PIK3R2: variants seen among roughly 807,000 people sequenced by gnomAD.
PIK3R2 encodes the protein phosphatidylinositol 3-kinase regulatory subunit beta.
In PIK3R2, 40 loss-of-function variants were observed where a neutral mutation model predicts 78.5. The ratio of observed to expected loss-of-function variants is 0.51; its 90% confidence interval spans 0.40 to 0.66. PIK3R2 has a LOEUF of 0.66. PIK3R2 is among the 30% of genes least tolerant of loss of function. The probability of loss-of-function intolerance (pLI) is 0.00; values close to 1 mark genes in which losing one functional copy is unlikely to be tolerated. For synonymous variants in PIK3R2, 473 were observed against 457.7 expected (o/e 1.03, Z -0.43); for missense variants, 880 against 1,026.6 (o/e 0.86, Z 1.95).
chr19:18,166,023 C>A, intron 11 of PIK3R2, 137 bp from the exon 12 acceptor site: 1 of 1,073,652 alleles, frequency 9.3e-7, no homozygotes, highest in Non-Finnish European at 1.4e-6. Flanking sequence ...TTTGGTGCAG[C>A]AGGCGTTAGA....
In PIK3R2 at chr19:18,168,757, C is replaced by T. The variant is rs1468352189; in HGVS notation, c.1840C>T (p.Leu614Phe). Reference protein sequence around the residue: ...QYALMEDEDDLPHHEERTWYV... With the variant: ...QYALMEDEDDFPHHEERTWYV... ...CGCACTCATGGAGGACGAGGACGAT[C>T]TCCCGCACCACGAGGAACGCACTTG... is the stretch of plus-strand genomic sequence containing the variant. The change falls in exon 15 of 16, where the codon CTC becomes TTC. Residue 614 changes from leucine (L) to phenylalanine (F), a missense_variant. Coordinates refer to ENST00000222254, the MANE Select transcript of PIK3R2 (RefSeq NM_005027.4). This position sits in a 1 kb window ranked among gnomAD's most constrained non-coding sequence, Gnocchi z 4.1. 1.9e-6 allele frequency: 3 copies of T among 1,610,474 alleles called. No homozygotes were observed. The highest frequency in any genetic ancestry group is 2.5e-6 in the Non-Finnish European group (3 of 1,177,436).
intron 1 of PIK3R2, among the ~76,000 whole-genome samples, chr19:18,154,628 G>T (rs981919160): frequency 1.3e-5 from 2 of 152,094 alleles, no homozygotes; most frequent in African/African-American, 4.8e-5. Flanking sequence ...CCTGCCCTAG[G>T]TATCTGGCCA....
Position 18,161,425 on chromosome 19 carries a change from A to T in PIK3R2, c.745A>T (p.Thr249Ser). ...LGPAVRALGA[T>S]FGPLLLRAPP... ...TCCCGCGGTCCGGGCCCTGGGCGCC[A>T]CCTTTGGGCCGCTGCTGCTGCGCGC... The change falls in exon 6 of 16, where the codon ACC (threonine) becomes TCC (serine). Residue 249 changes from threonine (T) to serine (S), a missense_variant. Around this residue, in one of 3 missense-constraint regions of PIK3R2, gnomAD observed 456 missense variants for 486.6 expected, o/e 0.94. Transcript: ENST00000222254. The surrounding 1 kb of genome is among the most constrained non-coding windows in gnomAD (Gnocchi z 5.3). 1 of 1,205,834 alleles carries T rather than the reference A, an allele frequency of 8.3e-7. No individual in the cohort carries two copies. The highest frequency in any genetic ancestry group is 1.0e-6 in the Non-Finnish European group (1 of 973,020). The allele number at this position is 1,205,834 out of a possible 1,614,324, so 74.7% of individuals were successfully genotyped here.
chr19:18,162,645 A>G, intron 9 of PIK3R2, 139 bp downstream of exon 9: 1 of 715,492 alleles, frequency 1.4e-6, no homozygotes, highest in Non-Finnish European at 2.3e-6. Flanking sequence ...GCACTTTGGG[A>G]GGCTGAGGCT....
chr19:18,164,593 G>A (rs2043787576), intron 11 of PIK3R2, among the ~76,000 whole-genome samples: 1 of 151,898 alleles, frequency 6.6e-6, no homozygotes, highest in African/African-American at 2.4e-5. Context: ...GAATTCCTCA[G>A]TCGTCCCTAG....
At position 18,155,627 on chromosome 19, in the gene PIK3R2, G is replaced by A. The variant is rs1277852237; in HGVS notation, c.-253G>A. 15 of 537,722 alleles carry A rather than the reference G, an allele frequency of 2.8e-5. No individual in the cohort carries two copies. The highest frequency in any genetic ancestry group is 4.9e-5 in the Non-Finnish European group (15 of 307,364). The allele number at this position is 537,722 out of a possible 1,614,324, so 33.3% of individuals were successfully genotyped here. On this transcript the variant is annotated 5_prime_UTR_variant, in exon 2 of 16. Coordinates refer to ENST00000222254, the MANE Select transcript of PIK3R2 (RefSeq NM_005027.4). ...GGAGGACTCAATGGCCCAGTGACCT[G>A]ACACCACACCACCAACTCCCTCCCA...
chr19:18,162,383 G>T, intron 8 of PIK3R2, 25 bp from the exon 9 acceptor site: 1 of 1,609,830 alleles, frequency 6.2e-7, no homozygotes, highest in South Asian at 1.1e-5. Context: ...TGGCTCGGCA[G>T]TCCCAATGTT....
intron 7 of PIK3R2, 46 bp from the exon 8 acceptor site, chr19:18,162,156 A>T: frequency 7.1e-7 from 1 of 1,411,626 alleles, no homozygotes; most frequent in Non-Finnish European, 1.0e-6. Context: ...AGGCAGCCAC[A>T]GTATACAGTC....
At position 18,167,904 on chromosome 19, in the gene PIK3R2, A is replaced by G. The variant is rs962551200; in HGVS notation, c.1737-571A>G. Reference sequence around the variant, plus strand: ...AAAAAAATCGCCTGCTGTGCAACCTACCATGCTGGGTGGCTGCGGCAGCCC... The same window carrying G: ...AAAAAAATCGCCTGCTGTGCAACCTGCCATGCTGGGTGGCTGCGGCAGCCC... On this transcript the variant is annotated intron_variant, in intron 13 of 15. Coordinates refer to ENST00000222254, the MANE Select transcript of PIK3R2 (RefSeq NM_005027.4). This position sits in a 1 kb window ranked among gnomAD's most constrained non-coding sequence, Gnocchi z 4.5. Among the ~76,000 whole-genome samples, 3 of 151,924 alleles carry G rather than the reference A, an allele frequency of 2.0e-5. No homozygotes were observed. The highest frequency in any genetic ancestry group is 2.9e-5 in the Non-Finnish European group (2 of 67,968).
Position 18,167,307 on chromosome 19 carries a change from G to C in PIK3R2, c.1736+1G>C, listed in dbSNP as rs2147958030. 6.3e-7 allele frequency: 1 copy of C among 1,579,792 alleles called. No homozygotes were observed. The highest frequency in any genetic ancestry group is 8.6e-7 in the Non-Finnish European group (1 of 1,162,792). On this transcript the variant is annotated splice_donor_variant, in intron 13 of 15. Coordinates refer to ENST00000222254, the MANE Select transcript of PIK3R2 (RefSeq NM_005027.4). LOFTEE classifies it high-confidence loss of function. This position sits in a 1 kb window ranked among gnomAD's most constrained non-coding sequence, Gnocchi z 4.5. ...GCAAGATCCGAGACCAGTACCTCGT[G>C]TAAGTGGCGGCTCCATACTTCCCTG...
In PIK3R2 at chr19:18,162,057, T is replaced by TC; in HGVS notation, c.901+10dup. 5 of 1,611,812 alleles carry TC rather than the reference T, an allele frequency of 3.1e-6. No individual in the cohort carries two copies. Among genetic ancestry groups the TC allele is most frequent in the Non-Finnish European group, 4.2e-6 (5 of 1,178,230 alleles). ...GCAGGAGGTTGCGCCCCCAGGTGAG[T>TC]CCCCTGTATTGCTGTCATTTCTTCC... On this transcript the variant is annotated splice_region_variant and intron_variant, in intron 7 of 15. Transcript: ENST00000222254.
At position 18,166,161 on chromosome 19, in the gene PIK3R2, A is replaced by C. The variant is rs1348113797; in HGVS notation, c.1418A>C (p.Glu473Ala). ...LYEEYTRTSQ[E>A]LQMKRTAIEA... ...GCTGAGCTGCGCCCCCTCCTCCAGG[A>C]GCTGCAGATGAAGCGTACTGCAATT... Residue 473 changes from glutamate (E) to alanine (A), a missense_variant and splice_region_variant, in exon 12 of 16, where the codon GAG becomes GCG. By Grantham distance (107) the Glu-to-Ala change is moderately radical (BLOSUM62 -1). Transcript: ENST00000222254. The C allele has an allele frequency of 1.2e-6, 2 of 1,613,988 alleles. No individual in the cohort carries two copies. The highest frequency in any genetic ancestry group is 4.5e-5 in the East Asian group (2 of 44,880).
Position 18,166,372 on chromosome 19 carries a change from A to T in PIK3R2, c.1559+70A>T, listed in dbSNP as rs2043810871. 2.9e-6 allele frequency: 4 copies of T among 1,384,296 alleles called. No individual in the cohort carries two copies. In the South Asian group the frequency reaches 4.9e-5, roughly 17 times the overall value. The allele number at this position is 1,384,296 out of a possible 1,614,324, so 85.8% of individuals were successfully genotyped here. On this transcript the variant is annotated intron_variant, in intron 12 of 15. Coordinates refer to ENST00000222254, the MANE Select transcript of PIK3R2 (RefSeq NM_005027.4). ...TGCAGTACAAGCCAGGGAGGGAAGG[A>T]AGCAGAAGGAGGCCAGCCACTTGGA...
intron 12 of PIK3R2, among the ~76,000 whole-genome samples, chr19:18,166,581 C>T (rs1051130818): frequency 9.2e-5 from 14 of 151,784 alleles, no homozygotes; most frequent in Non-Finnish European, 1.8e-4. Flanking sequence ...CATGATGGTG[C>T]GCACCTGTAG....
chr19:18,163,490 A>G, intron 11 of PIK3R2, 102 bp downstream of exon 11: 5 of 1,300,016 alleles, frequency 3.8e-6, no homozygotes, highest in Middle Eastern at 2.1e-4. Flanking sequence ...ATGAATATCC[A>G]GTTGCAGGTC....
rs992499277 is a variant in PIK3R2 at position 18,168,049 on chromosome 19, G to A, written c.1737-426G>A. Among the ~76,000 whole-genome samples the A allele has an allele frequency of 2.0e-5, 3 of 152,210 alleles. No homozygotes were observed. The highest frequency in any genetic ancestry group is 7.2e-5 in the African/African-American group (3 of 41,522). On this transcript the variant is annotated intron_variant, in intron 13 of 15. Transcript: ENST00000222254. The surrounding 1 kb of genome is among the most constrained non-coding windows in gnomAD (Gnocchi z 4.1). ...AGGGCACTGTCGCGTGCCAGGTGCT[G>A]TGCTAAGCACCGTGCTCGTTATGAG...
intron 1 of PIK3R2, among the ~76,000 whole-genome samples, chr19:18,154,443 C>A (rs1394094669): frequency 6.6e-6 from 1 of 152,158 alleles, no homozygotes; most frequent in Admixed American, 6.5e-5. Context: ...AGCTACCTGC[C>A]AGCCCACTCA....
chr19:18,160,994 G>A (rs1291039489), intron 4 of PIK3R2, 25 bp downstream of exon 4: 2 of 1,612,730 alleles, frequency 1.2e-6, no homozygotes, highest in Admixed American at 3.3e-5. Flanking sequence ...CAATGGGGTT[G>A]GGAGGAGGCT....
At position 18,169,358 on chromosome 19, in the gene PIK3R2, C is replaced by T. The variant is rs1039626319; in HGVS notation, c.*64C>T. 5.1e-5 allele frequency: 50 copies of T among 977,684 alleles called. No individual in the cohort carries two copies. The highest frequency in any genetic ancestry group is 6.5e-5 in the Non-Finnish European group (49 of 752,874). The allele number at this position is 977,684 out of a possible 1,614,324, so 60.6% of individuals were successfully genotyped here. A position where few individuals can be genotyped will look rare whatever the true frequency, so the allele number is the denominator to read the frequency against. ...CCGTCTGCGCCGGAGGCTGCGGCGG[C>T]GGGAGCCACGGACCAGACCAGCCAC... is the stretch of plus-strand genomic sequence containing the variant. On this transcript the variant is annotated 3_prime_UTR_variant, in exon 16 of 16. Coordinates refer to ENST00000222254, the MANE Select transcript of PIK3R2 (RefSeq NM_005027.4).
Sources: allele counts gnomAD v4.1 joint callset (sites outside exome capture counted in the v4.1 genomes callset), GRCh38; gene constraint gnomAD v4.1.1; regional missense constraint gnomAD v4.1.1; non-coding constraint Gnocchi (gnomAD v3.1); transcripts MANE v1.5; gene names NCBI Gene and HGNC (gene_info 2026-07-23, HGNC 2026-07-21).